The following LRRTM4 variants were observed in gnomAD, a reference collection of about 807,000 sequenced individuals.
LRRTM4 encodes leucine-rich repeat transmembrane neuronal protein 4.
A neutral mutation model predicts 47.6 loss-of-function variants in LRRTM4; 25 were observed. The observed-to-expected ratio is 0.53, with a 90% CI of 0.38 to 0.73. The LOEUF is 0.73. LRRTM4 is among the 30% of genes least tolerant of loss of function. The pLI is 0.00. For synonymous variants in LRRTM4, 311 were observed against 269.5 expected, an observed-to-expected ratio of 1.15 and a Z score of -1.51; for missense variants, 638 against 713.4, an observed-to-expected ratio of 0.89 and a Z score of 1.20.
intron 3 of LRRTM4, chr2:77,517,397 C>G (rs1679250940): frequency 1.0e-6 from 1 of 983,740 alleles, no homozygotes; most frequent in Non-Finnish European, 1.2e-6. Flanking sequence ...ATAAGTTTAA[C>G]AAGAATACAT....
intron 3 of LRRTM4, among the ~76,000 whole-genome samples, chr2:77,307,284 T>A (rs1035857891): frequency 1.3e-5 from 2 of 151,810 alleles, no homozygotes; most frequent in African/African-American, 2.4e-5. Flanking sequence ...AAATTTTCTC[T>A]GAAATGTGAC....
At chr2:77,149,802 C>T (rs1404659782) in intron 3 of LRRTM4, among the ~76,000 whole-genome samples, 1 of 152,162 alleles carries the variant, frequency 6.6e-6, no homozygotes, top group African/African-American at 2.4e-5. Flanking sequence ...GCATCTCACA[C>T]CTCACTGAAC....
chr2:77,460,265 G>A (rs757136928), intron 3 of LRRTM4, among the ~76,000 whole-genome samples: 1 of 152,068 alleles, frequency 6.6e-6, no homozygotes, highest in Non-Finnish European at 1.5e-5. Context: ...ATGTCTTTTT[G>A]TTTTATTTTT....
At chr2:77,162,411 C>A (rs1396671284) in intron 3 of LRRTM4, among the ~76,000 whole-genome samples, 1 of 152,182 alleles carries the variant, frequency 6.6e-6, no homozygotes, top group Non-Finnish European at 1.5e-5. Context: ...CATAGCTGAA[C>A]AAAAGGCAGC....
At chr2:77,285,122 A>C (rs2104110306) in intron 3 of LRRTM4, among the ~76,000 whole-genome samples, 1 of 151,968 alleles carries the variant, frequency 6.6e-6, no homozygotes, top group Admixed American at 6.6e-5. Context: ...GGAAAACTTT[A>C]TTCTAATAAC....
chr2:77,010,346 A>AT (rs59415402), intron 3 of LRRTM4, among the ~76,000 whole-genome samples: 9 of 151,444 alleles, frequency 5.9e-5, no homozygotes, highest in Admixed American at 6.6e-5. Context: ...TATGAGTTTG[A>AT]TTTTTTTTAC....
intron 3 of LRRTM4, among the ~76,000 whole-genome samples, chr2:77,323,717 A>G (rs569132671): frequency 7.2e-5 from 11 of 152,252 alleles, no homozygotes; most frequent in African/African-American, 2.6e-4. Context: ...CAGAGTTGCA[A>G]TTCGAACTGC....
intron 3 of LRRTM4, among the ~76,000 whole-genome samples, chr2:76,956,020 C>T (rs1033813592): frequency 6.7e-6 from 1 of 150,250 alleles, no homozygotes; most frequent in African/African-American, 2.5e-5. Flanking sequence ...AAAAAAAAAG[C>T]CTAGAGAGGT....
chr2:76,974,237 T>C (rs1183756032), intron 3 of LRRTM4, among the ~76,000 whole-genome samples: 26 of 138,806 alleles, frequency 1.9e-4, no homozygotes, highest in East Asian at 1.3e-3. Flanking sequence ...CATATATATA[T>C]ATACATATAT....
chr2:77,474,799 T>G (rs560691016), intron 3 of LRRTM4, among the ~76,000 whole-genome samples: 3 of 152,232 alleles, frequency 2.0e-5, no homozygotes, highest in Admixed American at 2.0e-4. Flanking sequence ...GGATCAGTGA[T>G]TCTTTCATAT....
intron 3 of LRRTM4, among the ~76,000 whole-genome samples, chr2:77,102,364 G>A (rs575964890): frequency 3.4e-4 from 51 of 152,216 alleles, no homozygotes; most frequent in African/African-American, 1.1e-3. Context: ...TTAATTCCAC[G>A]TATTCCCACT....
At chr2:77,334,357 C>T (rs1671083468) in intron 3 of LRRTM4, among the ~76,000 whole-genome samples, 1 of 152,134 alleles carries the variant, frequency 6.6e-6, no homozygotes, top group Non-Finnish European at 1.5e-5. Context: ...CCACCCAAAT[C>T]TCATCTTGAA....
rs534583969 is a variant in LRRTM4, at chr2:77,094,206, C to T, written c.1552-345290G>A. On this transcript the variant is annotated intron_variant, in intron 3 of 3. Transcript: ENST00000409884. Reference sequence around the variant, plus strand: ...TAATAGCAACACAAAATATAAAATACATAGGAGTAAATTTAAGCAAGGAGC... The same window carrying T: ...TAATAGCAACACAAAATATAAAATATATAGGAGTAAATTTAAGCAAGGAGC... 3.9e-4 allele frequency among the ~76,000 whole-genome samples: 59 copies of T among 152,064 alleles called. No individual in the cohort carries two copies. In the South Asian group the frequency reaches 0.012, roughly 31 times the overall value.
At chr2:77,361,718 G>A (rs910895765) in intron 3 of LRRTM4, among the ~76,000 whole-genome samples, 1 of 152,128 alleles carries the variant, frequency 6.6e-6, no homozygotes, top group Non-Finnish European at 1.5e-5. Context: ...TTGAAGTCTG[G>A]ATGCCCCCTT....
intron 3 of LRRTM4, among the ~76,000 whole-genome samples, chr2:76,922,798 C>G (rs1674473745): frequency 6.6e-6 from 1 of 151,970 alleles, no homozygotes; most frequent in Admixed American, 6.6e-5. Flanking sequence ...TGGTAACCAA[C>G]ATATATTGCA....
chr2:77,438,547 C>T (rs1255144199), intron 3 of LRRTM4, among the ~76,000 whole-genome samples: 1 of 151,790 alleles, frequency 6.6e-6, no homozygotes, highest in East Asian at 1.9e-4. Context: ...GCTGGGACTA[C>T]AGGCGCCTGC....
intron 3 of LRRTM4, among the ~76,000 whole-genome samples, chr2:76,965,651 G>A (rs1232967633): frequency 6.6e-6 from 1 of 151,232 alleles, no homozygotes; most frequent in African/African-American, 2.4e-5. Context: ...GATTTTAGCT[G>A]AATTCACATT....
At chr2:76,908,003 A>G (rs1673909887) in intron 3 of LRRTM4, among the ~76,000 whole-genome samples, 1 of 152,000 alleles carries the variant, frequency 6.6e-6, no homozygotes, top group South Asian at 2.1e-4. Flanking sequence ...TGAGGCCAGC[A>G]TCATCCTGAT....
intron 3 of LRRTM4, among the ~76,000 whole-genome samples, chr2:77,016,330 G>A (rs1281984886): frequency 1.3e-5 from 2 of 151,020 alleles, no homozygotes; most frequent in East Asian, 2.0e-4. Context: ...AGGTTGCAGT[G>A]AGCCCAGATC....
Sources: allele counts gnomAD v4.1 joint callset (sites outside exome capture counted in the v4.1 genomes callset), GRCh38; gene constraint gnomAD v4.1.1; transcripts MANE v1.5; gene names NCBI Gene and HGNC (gene_info 2026-07-23, HGNC 2026-07-21).